Variants in PHLPP2 observed in about 807,000 individuals in gnomAD.
The protein encoded by PHLPP2 is PH domain and leucine rich repeat protein phosphatase 2, also known as PH domain leucine-rich repeat-containing protein phosphatase 2.
PHLPP2 carries 66 observed loss-of-function variants against 124.9 expected under a neutral mutation model. The ratio of observed to expected loss-of-function variants is 0.53; its 90% confidence interval spans 0.43 to 0.65. PHLPP2 has a LOEUF of 0.65. PHLPP2 is among the 30% of genes least tolerant of loss of function. The pLI is 0.00. For missense variants in PHLPP2, 1,685 were observed against 1,600.4 expected (o/e 1.05, Z -0.90); for synonymous variants, 681 against 624.7 (o/e 1.09, Z -1.34).
At chr16:71,650,147 A>G in intron 18 of PHLPP2, 103 bp from the exon 19 acceptor site, 1 of 790,980 alleles carries the variant, frequency 1.3e-6, no homozygotes, top group Non-Finnish European at 2.0e-6. Flanking sequence ...AACAATTTAT[A>G]TATGATTTTT....
At chr16:71,683,287 A>G (rs563711147) in intron 5 of PHLPP2, among the ~76,000 whole-genome samples, 16 of 152,364 alleles carry the variant, frequency 1.1e-4, no homozygotes, top group African/African-American at 3.6e-4. Flanking sequence ...TTTGGAAATC[A>G]CAATACACTT....
intron 3 of PHLPP2, among the ~76,000 whole-genome samples, chr16:71,697,889 C>G (rs1468193157): frequency 6.7e-6 from 1 of 149,870 alleles, no homozygotes; most frequent in African/African-American, 2.5e-5. Flanking sequence ...GCTCTGTCGC[C>G]CAGGCTGGAG....
chr16:71,683,990 C>T (rs2045028472), intron 5 of PHLPP2, among the ~76,000 whole-genome samples: 1 of 152,030 alleles, frequency 6.6e-6, no homozygotes, highest in Non-Finnish European at 1.5e-5. Context: ...CGGGGTTTCT[C>T]CATGTTGGTC....
intron 1 of PHLPP2, chr16:71,723,841 C>T (rs1284105943): frequency 8.1e-7 from 1 of 1,232,232 alleles, no homozygotes; most frequent in Non-Finnish European, 1.0e-6. Context: ...CCAGCGGGCC[C>T]GCGGGCCCCG....
At chr16:71,724,005 T>G in intron 1 of PHLPP2, 1 of 202,028 alleles carries the variant, frequency 4.9e-6, no homozygotes, top group Non-Finnish European at 8.7e-6. Context: ...GCTCCGCCCC[T>G]CCCGCAGCCC....
At chr16:71,710,587 G>A (rs532447637) in intron 2 of PHLPP2, among the ~76,000 whole-genome samples, 2 of 152,320 alleles carry the variant, frequency 1.3e-5, no homozygotes, top group African/African-American at 4.8e-5. Context: ...CTTGTTAGGT[G>A]CCAGACATCA....
chr16:71,676,765 T>C (rs2044950126), intron 8 of PHLPP2, 116 bp from the exon 9 acceptor site: 2 of 756,114 alleles, frequency 2.6e-6, no homozygotes, highest in Non-Finnish European at 4.3e-6. Context: ...CTTTTTTTTT[T>C]TGAGATGGAG....
intron 2 of PHLPP2, among the ~76,000 whole-genome samples, chr16:71,713,911 ATTTACACTTTTC>A (rs2145382672): frequency 7.9e-6 from 1 of 126,970 alleles, no homozygotes; most frequent in African/African-American, 2.9e-5. Context: ...ATTTCATTCT[ATTTACACTTTTC>A]AAAAAAAAAA....
At chr16:71,693,030 C>T (rs1849902925) in intron 3 of PHLPP2, among the ~76,000 whole-genome samples, 2 of 152,118 alleles carry the variant, frequency 1.3e-5, no homozygotes, top group South Asian at 4.1e-4. Context: ...GTGGCTTATG[C>T]CTGTAATCCC....
At chr16:71,714,866 C>T in intron 1 of PHLPP2, 65 bp from the exon 2 acceptor site, 1 of 1,529,202 alleles carries the variant, frequency 6.5e-7, no homozygotes, top group Non-Finnish European at 8.8e-7. Flanking sequence ...CATTTCAGTC[C>T]TCACCCCACC....
chr16:71,672,309 C>G lies in PHLPP2; in HGVS notation c.1485G>C (p.Val495=). 1 of 1,613,312 alleles carries G rather than the reference C, an allele frequency of 6.2e-7. No homozygotes were observed. Among genetic ancestry groups the G allele is most frequent in the Non-Finnish European group, 8.5e-7 (1 of 1,179,298 alleles). Residue 495 remains valine, a synonymous_variant, in exon 10 of 19, where the codon GTG becomes GTC. Transcript: ENST00000568954. ...LYASSNRLTA[V]NVYPVPSLLT... ...GCAGGCTGGGTACTGGATAGACGTT[C>G]ACTGCTGTCAGCCCTAATCCAAAAA... is the stretch of plus-strand genomic sequence containing the variant.
chr16:71,667,890 G>C (rs903740619), intron 11 of PHLPP2, among the ~76,000 whole-genome samples: 1 of 152,086 alleles, frequency 6.6e-6, no homozygotes, highest in African/African-American at 2.4e-5. Context: ...AACGCCTCTA[G>C]TTTAATTTTA....
Position 71,714,764 on chromosome 16 carries a change from T to A in PHLPP2, c.32A>T (p.Asn11Ile). Residue 11 changes from asparagine to isoleucine, a missense_variant, in exon 2 of 19, where the codon AAT becomes ATT. Transcript: ENST00000568954. ...TCGAGAACCAAACCTACTTCTCCTATTCAAACAATTTCTGCTCCCATTGCG... is the reference window on the plus strand; with the variant it reads ...TCGAGAACCAAACCTACTTCTCCTAATCAAACAATTTCTGCTCCCATTGCG... MKRNGSRNCL[N>I]RRSRFGSRER... The A allele has an allele frequency of 6.2e-7, 1 of 1,613,922 alleles. No homozygotes were observed.
At position 71,669,235 on chromosome 16, in the gene PHLPP2, T is replaced by A; in HGVS notation, c.1628+40A>T. 3 of 1,361,730 alleles carry A rather than the reference T, an allele frequency of 2.2e-6. No homozygotes were observed. The East Asian group carries it at 6.9e-5, about 31-fold the overall frequency. The allele number at this position is 1,361,730 out of a possible 1,614,324, so 84.4% of individuals were successfully genotyped here. On this transcript the variant is annotated intron_variant, in intron 11 of 18. Transcript: ENST00000568954. ...AAATTTAAATACGCACACACGTAAATGTTAGTATATACATAATATATGCAT... is the reference window on the plus strand; with the variant it reads ...AAATTTAAATACGCACACACGTAAAAGTTAGTATATACATAATATATGCAT...
rs372656363 is a variant in PHLPP2 at position 71,723,716 on chromosome 16, TCCGCTTGCCCGCTCGC to T, written c.-7+597_-7+612del. ...CTAGCCTCCCTCGTTCCCTCCCTAG[TCCGCTTGCCCGCTCGC>T]CCGCTCGCTCGCTCGCTGGTCCATC... On this transcript the variant is annotated intron_variant, in intron 1 of 18. Coordinates refer to ENST00000568954, the MANE Select transcript of PHLPP2 (RefSeq NM_015020.3). The T allele has an allele frequency of 1.3e-3, 1,159 of 890,644 alleles. 10 individuals are homozygous for T. The African/African-American group carries it at 0.018, about 14-fold the overall frequency. The allele number at this position is 890,644 out of a possible 1,614,324, so 55.2% of individuals were successfully genotyped here. A position where few individuals can be genotyped will look rare whatever the true frequency, so the allele number is the denominator to read the frequency against.
Position 71,647,766 on chromosome 16 carries a change from A to C in PHLPP2, c.*1124T>G, listed in dbSNP as rs1438664784. On this transcript the variant is annotated 3_prime_UTR_variant, in exon 19 of 19. Transcript: ENST00000568954. ...CTCTTTTTCTGATCTAGGGAGAAGTAGTCTAGGTCCTCACGCCTTCCCCAT... is the reference window on the plus strand; with the variant it reads ...CTCTTTTTCTGATCTAGGGAGAAGTCGTCTAGGTCCTCACGCCTTCCCCAT... The C allele has an allele frequency of 1.3e-5, 2 of 152,216 alleles. No homozygotes were observed. Among genetic ancestry groups the C allele is most frequent in the Admixed American group, 6.5e-5 (1 of 15,276 alleles). The allele number at this position is 152,216 out of a possible 1,614,324, so 9.4% of individuals were successfully genotyped here.
At chr16:71,678,470 T>C (rs1425171358) in intron 8 of PHLPP2, 3 of 323,820 alleles carry the variant, frequency 9.3e-6, no homozygotes, top group Non-Finnish European at 1.7e-5. Flanking sequence ...AAACCTCATC[T>C]CTACTAAAAG....
At chr16:71,717,270 G>T (rs983034061) in intron 1 of PHLPP2, among the ~76,000 whole-genome samples, 1 of 152,152 alleles carries the variant, frequency 6.6e-6, no homozygotes, top group Non-Finnish European at 1.5e-5. Context: ...CATTTCTAAA[G>T]ATGTCAGAGA....
At chr16:71,702,759 A>G in intron 2 of PHLPP2, 28 bp from the exon 3 acceptor site, 1 of 1,485,698 alleles carries the variant, frequency 6.7e-7, no homozygotes, top group Non-Finnish European at 9.2e-7. Flanking sequence ...AAAAATATAT[A>G]TATTTGGTAA....
Sources: allele counts gnomAD v4.1 joint callset (sites outside exome capture counted in the v4.1 genomes callset), GRCh38; gene constraint gnomAD v4.1.1; transcripts MANE v1.5; gene names NCBI Gene and HGNC (gene_info 2026-07-23, HGNC 2026-07-21).